The following KCNN2 variants were observed in gnomAD, a reference collection of about 807,000 sequenced individuals.
KCNN2 encodes the protein potassium calcium-activated channel subfamily N member 2.
A neutral mutation model predicts 55.5 loss-of-function variants in KCNN2; 24 were observed. The ratio of observed to expected loss-of-function variants is 0.43; its 90% CI spans 0.31 to 0.61. KCNN2 has a LOEUF of 0.61. KCNN2 is among the 20% of genes least tolerant of loss of function. The probability of loss-of-function intolerance (pLI) is 0.08; values close to 1 mark genes in which losing one functional copy is unlikely to be tolerated. For synonymous variants in KCNN2, 431 were observed against 336.1 expected, an observed-to-expected ratio of 1.28 and a Z score of -3.09; for missense variants, 754 against 853.6, an observed-to-expected ratio of 0.88 and a Z score of 1.45.
At chr5:114,189,703 T>C (rs2112561647) in intron 1 of KCNN2, among the ~76,000 whole-genome samples, 1 of 152,238 alleles carries the variant, frequency 6.6e-6, no homozygotes, top group East Asian at 1.9e-4. Context: ...GGTATGATTT[T>C]ATCTCCAATT....
rs34719469 is a variant in KCNN2, at chr5:114,226,900, C to CA, written c.-185+5356dup. Among the ~76,000 whole-genome samples the CA allele has an allele frequency of 3.0e-3, 258 of 86,596 alleles. 2 individuals are homozygous for CA. The highest frequency in any genetic ancestry group is 5.3e-3 in the African/African-American group (116 of 21,794). 56.8% of individuals were successfully genotyped at this position (86,596 alleles called of 152,430 possible). The stretch of plus-strand genomic sequence containing the variant: ...TGGGCAACACAGCGAGACTCCGTCT[C>CA]AAAAAAAAAAAAAAAAAAAAAGAAA... On this transcript the variant is annotated intron_variant, in intron 2 of 10. Coordinates refer to the KCNN2 transcript ENST00000512097.
chr5:114,271,694 A>G lies in KCNN2; in HGVS notation c.-185+50129A>G, dbSNP rs571988547. ...TACTCACTATATTCTTCCTCCCCCT[A>G]CTCTGTATGGACTACTTTTGTAGTG... On this transcript the variant is annotated intron_variant, in intron 2 of 10. Transcript: ENST00000512097. Among the ~76,000 whole-genome samples the G allele has an allele frequency of 2.6e-5, 4 of 151,864 alleles. No individual in the cohort carries two copies. The South Asian group carries it at 8.3e-4, about 32-fold the overall frequency.
intron 2 of KCNN2, among the ~76,000 whole-genome samples, chr5:114,319,987 C>T (rs1756582165): frequency 6.6e-6 from 1 of 152,180 alleles, no homozygotes; most frequent in Admixed American, 6.5e-5. Context: ...TTGTCTGTTT[C>T]ACTTCCTTGA....
At chr5:114,096,784 T>A (rs551859056) in intron 1 of KCNN2, among the ~76,000 whole-genome samples, 1 of 152,338 alleles carries the variant, frequency 6.6e-6, no homozygotes, top group South Asian at 2.1e-4. Flanking sequence ...TCTACCATCC[T>A]AATTGACAAC....
At chr5:114,393,902 G>A (rs974856194) in intron 2 of KCNN2, among the ~76,000 whole-genome samples, 5 of 151,176 alleles carry the variant, frequency 3.3e-5, no homozygotes, top group Non-Finnish European at 4.4e-5. Context: ...CATTTAACCC[G>A]TTTCCCTACT....
intron 1 of KCNN2, among the ~76,000 whole-genome samples, chr5:114,150,688 A>G (rs1327037985): frequency 6.6e-6 from 1 of 152,170 alleles, no homozygotes; most frequent in Non-Finnish European, 1.5e-5. Flanking sequence ...AAATACCTGT[A>G]TCTTACAGGA....
intron 2 of KCNN2, among the ~76,000 whole-genome samples, chr5:114,298,327 G>A (rs3101075): frequency 0.98 from 149,625 of 152,310 alleles, 73,550 homozygotes; most frequent in Non-Finnish European, 1. Flanking sequence ...ACCCTGCTCC[G>A]TAGATGCCAC....
At chr5:114,368,654 A>T (rs993942260) in intron 2 of KCNN2, among the ~76,000 whole-genome samples, 1 of 152,242 alleles carries the variant, frequency 6.6e-6, no homozygotes. Flanking sequence ...TTAATAAAAT[A>T]ACCAATACAC....
At chr5:114,403,166 T>A (rs1758836617) in intron 2 of KCNN2, among the ~76,000 whole-genome samples, 1 of 152,172 alleles carries the variant, frequency 6.6e-6, no homozygotes, top group Non-Finnish European at 1.5e-5. Context: ...GGAATAACTT[T>A]ATTGGAACTC....
At chr5:114,408,248 CT>C (rs1759004052) in intron 3 of KCNN2, among the ~76,000 whole-genome samples, 1 of 149,400 alleles carries the variant, frequency 6.7e-6, no homozygotes, top group East Asian at 2.0e-4. Flanking sequence ...TCTTGTTGTC[CT>C]TATGGGTTTA....
chr5:114,475,344 A>G (rs1306450009), intron 5 of KCNN2, among the ~76,000 whole-genome samples: 1 of 151,800 alleles, frequency 6.6e-6, no homozygotes, highest in African/African-American at 2.4e-5. Context: ...CTTGACTTCT[A>G]CACACTAGAT....
At chr5:114,083,602 C>T (rs761716060) in intron 1 of KCNN2, among the ~76,000 whole-genome samples, 16 of 151,934 alleles carry the variant, frequency 1.1e-4, no homozygotes, top group East Asian at 1.9e-4. Flanking sequence ...CCATGTACCT[C>T]GTCTCTCTCT....
intron 1 of KCNN2, among the ~76,000 whole-genome samples, chr5:114,086,365 G>C (rs182411469): frequency 6.6e-6 from 1 of 151,626 alleles, no homozygotes; most frequent in East Asian, 1.9e-4. Context: ...TTTGGGGTAT[G>C]AATGATCCTG....
intron 1 of KCNN2, among the ~76,000 whole-genome samples, chr5:114,115,240 T>C (rs6878068): frequency 0.24 from 36,099 of 152,022 alleles, 5,311 homozygotes; most frequent in African/African-American, 0.42. Flanking sequence ...TTCCCGAAAA[T>C]GTCTAACTTT....
At chr5:114,470,361 C>T (rs1204963046) in intron 4 of KCNN2, among the ~76,000 whole-genome samples, 1 of 152,164 alleles carries the variant, frequency 6.6e-6, no homozygotes, top group Non-Finnish European at 1.5e-5. Flanking sequence ...AGAATCATTG[C>T]TGCCCTGAAC....
chr5:114,314,063 C>T (rs1412152509), intron 2 of KCNN2, among the ~76,000 whole-genome samples: 3 of 152,040 alleles, frequency 2.0e-5, no homozygotes, highest in Admixed American at 6.6e-5. Flanking sequence ...TTTCGTGGAT[C>T]ACTTTTCTTG....
At chr5:114,378,104 A>G (rs867375536) in intron 2 of KCNN2, among the ~76,000 whole-genome samples, 1 of 152,200 alleles carries the variant, frequency 6.6e-6, no homozygotes. Context: ...CTTAGTTAGA[A>G]CAGGGACTGG....
intron 2 of KCNN2, among the ~76,000 whole-genome samples, chr5:114,286,429 A>G (rs1162623084): frequency 6.6e-6 from 1 of 152,216 alleles, no homozygotes; most frequent in Admixed American, 6.5e-5. Context: ...AAGAAAAAGT[A>G]GAAGTTGAAA....
chr5:114,142,301 T>G (rs1209931808), intron 1 of KCNN2, among the ~76,000 whole-genome samples: 1 of 152,176 alleles, frequency 6.6e-6, no homozygotes, highest in Non-Finnish European at 1.5e-5. Context: ...CTTGAATTAA[T>G]TTTTGTATAA....
Sources: gnomAD v4.1 joint callset for allele counts (sites outside exome capture counted in the v4.1 genomes callset) on GRCh38, gnomAD v4.1.1 for gene constraint, MANE v1.5 for transcripts, NCBI Gene and HGNC (gene_info 2026-07-23, HGNC 2026-07-21) for gene names.